TRIT1: variants seen among roughly 807,000 people sequenced by gnomAD.
TRIT1 encodes the protein tRNA isopentenyltransferase 1, also known as tRNA dimethylallyltransferase.
A neutral mutation model predicts 51.2 loss-of-function variants in TRIT1; 43 were observed. The observed-to-expected ratio is 0.84, with a 90% CI of 0.66 to 1.08. The LOEUF is 1.08. TRIT1 is among the 50% of genes least tolerant of loss of function. TRIT1 has a pLI of 0.00. For missense variants in TRIT1, 528 were observed against 578.4 expected (o/e 0.91, Z 0.89); for synonymous variants, 184 against 203.9 (o/e 0.90, Z 0.83).
intron 1 of TRIT1, among the ~76,000 whole-genome samples, chr1:39,877,035 A>G (rs1017244063): frequency 6.6e-6 from 1 of 150,712 alleles, no homozygotes; most frequent in Non-Finnish European, 1.5e-5. Context: ...AAAAAAAAAA[A>G]AAAAAAAAAC....
rs779899770 is a variant in TRIT1 at position 39,841,817 on chromosome 1, G to A, written c.1331C>T (p.Pro444Leu). The A allele has an allele frequency of 1.9e-6, 3 of 1,613,834 alleles. No individual in the cohort carries two copies. The highest frequency in any genetic ancestry group is 1.3e-5 in the African/African-American group (1 of 74,894). ...CTCTTTAGGTTCTTTGTTATGGTCT[G>A]GGGAAACACTCTGACTTTCTATGGT... ...VNTIESQSVS[P>L]DHNKEPKEKG... The change falls in exon 11 of 11, where the codon CCA becomes CTA. Residue 444 changes from proline (P) to leucine (L), a missense_variant. By Grantham distance (98) the Pro-to-Leu change is moderately conservative. Around this residue, in one of 3 missense-constraint regions of TRIT1, gnomAD observed 468 missense variants for 522.6 expected, o/e 0.90. Coordinates refer to ENST00000316891, the MANE Select transcript of TRIT1 (RefSeq NM_017646.6).
rs574146830 is a variant in TRIT1, at chr1:39,859,467, T to C, written c.175-2050A>G. Reference sequence around the variant, plus strand: ...AGGTGTGGTGACACACACCTGTAGTTCCGCTACTGGGGAGGCTGAGGTGGG... The same window carrying C: ...AGGTGTGGTGACACACACCTGTAGTCCCGCTACTGGGGAGGCTGAGGTGGG... On this transcript the variant is annotated intron_variant, in intron 1 of 10. Transcript: ENST00000316891. Among the ~76,000 whole-genome samples the C allele has an allele frequency of 9.1e-4, 135 of 149,110 alleles. 1 individual carries two copies. The highest frequency in any genetic ancestry group is 3.2e-3 in the African/African-American group (129 of 40,420).
At chr1:39,845,887 C>T (rs995654036) in intron 8 of TRIT1, among the ~76,000 whole-genome samples, 4 of 152,132 alleles carry the variant, frequency 2.6e-5, no homozygotes, top group Admixed American at 6.5e-5. Flanking sequence ...AGGACGATGC[C>T]GGCATACACA....
rs142812351 is a variant in TRIT1, at chr1:39,864,067, G to A, written c.175-6650C>T. 2.6e-4 allele frequency among the ~76,000 whole-genome samples: 40 copies of A among 152,092 alleles called. No homozygotes were observed. In the East Asian group the frequency reaches 7.7e-3, roughly 29 times the overall value. On this transcript the variant is annotated intron_variant, in intron 1 of 10. Transcript: ENST00000316891. ...CCACCACGCCTGGCTAGTGCTTGTA[G>A]TAGAGACGGGGTTTTGCTATGTTGG...
chr1:39,860,377 G>A (rs559524306), intron 1 of TRIT1, among the ~76,000 whole-genome samples: 12 of 152,116 alleles, frequency 7.9e-5, no homozygotes, highest in East Asian at 1.9e-4. Context: ...TTTTATAGTC[G>A]TTAACTAAAT....
intron 1 of TRIT1, among the ~76,000 whole-genome samples, chr1:39,873,852 CA>C (rs1028695751): frequency 8.6e-5 from 13 of 152,022 alleles, no homozygotes; most frequent in African/African-American, 2.7e-4. Flanking sequence ...GGAGAAACCC[CA>C]TCTCTACTAA....
intron 1 of TRIT1, chr1:39,863,004 G>A (rs1643335725): frequency 2.1e-6 from 2 of 957,726 alleles, no homozygotes; most frequent in Non-Finnish European, 2.5e-6. Flanking sequence ...ACAACTAAGG[G>A]ACAACTGGCT....
chr1:39,862,290 A>C (rs1265774224), intron 1 of TRIT1, among the ~76,000 whole-genome samples: 1 of 150,370 alleles, frequency 6.7e-6, no homozygotes, highest in Non-Finnish European at 1.5e-5. Flanking sequence ...GAAATGGTTA[A>C]TGGTCAATGT....
chr1:39,843,047 T>C (rs1557526574), intron 10 of TRIT1, among the ~76,000 whole-genome samples: 4 of 152,164 alleles, frequency 2.6e-5, no homozygotes, highest in African/African-American at 7.2e-5. Context: ...AAGTTTCCTT[T>C]AGAAAAAAAC....
At chr1:39,852,914 C>T (rs766550411) in intron 3 of TRIT1, 38 bp from the exon 4 acceptor site, 21 of 1,608,528 alleles carry the variant, frequency 1.3e-5, no homozygotes, top group South Asian at 1.1e-5. Flanking sequence ...TTAATTCAAC[C>T]AACACTGAGA....
At chr1:39,882,497 C>A (rs1362199122) in intron 1 of TRIT1, among the ~76,000 whole-genome samples, 1 of 152,246 alleles carries the variant, frequency 6.6e-6, no homozygotes, top group East Asian at 1.9e-4. Flanking sequence ...ATGTCACCCA[C>A]TACCCACTCT....
rs1287374988 is a variant in TRIT1, at chr1:39,844,161, T to C, written c.1174A>G (p.Arg392Gly). The C allele has an allele frequency of 6.2e-7, 1 of 1,614,242 alleles. No homozygotes were observed. Among genetic ancestry groups the C allele is most frequent in the Admixed American group, 1.7e-5 (1 of 60,034 alleles). Residue 392 changes from arginine (R) to glycine (G), a missense_variant, in exon 10 of 11, where the codon AGA (arginine) becomes GGA (glycine). By Grantham distance (125) the Arg-to-Gly change is moderately radical. Around this residue, in one of 3 missense-constraint regions of TRIT1, gnomAD observed 468 missense variants for 522.6 expected, o/e 0.90. Transcript: ENST00000316891. ...KMPYNEAENK[R>G]SYHLCDLCDR... Reference sequence around the variant, plus strand: ...CAGAGGTCACACAGGTGATAACTTCTCTTGTTCTCAGCTTCATTGTATGGC... The same window carrying C: ...CAGAGGTCACACAGGTGATAACTTCCCTTGTTCTCAGCTTCATTGTATGGC...
chr1:39,875,056 TTC>T (rs1488496894), intron 1 of TRIT1, among the ~76,000 whole-genome samples: 15 of 152,258 alleles, frequency 9.9e-5, no homozygotes, highest in African/African-American at 2.6e-4. Flanking sequence ...ATCCTGTTGG[TTC>T]TGTTTACAAA....
intron 3 of TRIT1, among the ~76,000 whole-genome samples, chr1:39,853,688 A>G (rs1474732619): frequency 6.6e-6 from 1 of 152,206 alleles, no homozygotes; most frequent in Non-Finnish European, 1.5e-5. Context: ...CTGGGATTAC[A>G]GGTGTGAGCC....
chr1:39,868,758 A>G (rs1408498298), intron 1 of TRIT1, among the ~76,000 whole-genome samples: 1 of 151,610 alleles, frequency 6.6e-6, no homozygotes, highest in African/African-American at 2.4e-5. Flanking sequence ...AAATAAGGAT[A>G]TGAAAAGAAG....
At chr1:39,859,127 G>A (rs1241589183) in intron 1 of TRIT1, among the ~76,000 whole-genome samples, 1 of 151,744 alleles carries the variant, frequency 6.6e-6, no homozygotes, top group Non-Finnish European at 1.5e-5. Flanking sequence ...CGTGGCGTGT[G>A]CCTATAATCC....
intron 2 of TRIT1, 58 bp downstream of exon 2, chr1:39,857,219 C>A (rs1332180774): frequency 6.5e-7 from 1 of 1,528,722 alleles, no homozygotes; most frequent in Non-Finnish European, 8.8e-7. Context: ...GAAAACTTCT[C>A]TCTTGGCTTG....
Position 39,838,986 on chromosome 1 carries a change from G to C in TRIT1, c.*2758C>G, listed in dbSNP as rs556109317. On this transcript the variant is annotated 3_prime_UTR_variant, in exon 11 of 11. Coordinates refer to ENST00000316891, the MANE Select transcript of TRIT1 (RefSeq NM_017646.6). ...TAAGAATCAAGCAAAGTATTTTCAAGTCTAGATCTCTCTTCAGAATCAAAG... is the reference window on the plus strand; with the variant it reads ...TAAGAATCAAGCAAAGTATTTTCAACTCTAGATCTCTCTTCAGAATCAAAG... Among the ~76,000 whole-genome samples, 1 of 152,358 alleles carries C rather than the reference G, an allele frequency of 6.6e-6. No homozygotes were observed. Among genetic ancestry groups the C allele is most frequent in the African/African-American group, 2.4e-5 (1 of 41,588 alleles).
Position 39,841,562 on chromosome 1 carries a change from CCTG to C in TRIT1, c.*179_*181del, listed in dbSNP as rs1641904033. On this transcript the variant is annotated 3_prime_UTR_variant, in exon 11 of 11. Coordinates refer to ENST00000316891, the MANE Select transcript of TRIT1 (RefSeq NM_017646.6). ...TCAGCCACACAAGGAGCTGACAAGA[CCTG>C]CTGTTTCTATTATAGAGAACGTGAG... The C allele has an allele frequency of 7.4e-6, 4 of 538,742 alleles. No homozygotes were observed. The highest frequency in any genetic ancestry group is 3.0e-5 in the Admixed American group (1 of 33,052). 33.4% of individuals were successfully genotyped at this position (538,742 alleles called of 1,614,324 possible).
Sources: gnomAD v4.1 joint callset for allele counts (sites outside exome capture counted in the v4.1 genomes callset) on GRCh38, gnomAD v4.1.1 for gene constraint, gnomAD v4.1.1 regional missense constraint, MANE v1.5 for transcripts, NCBI Gene and HGNC (gene_info 2026-07-23, HGNC 2026-07-21) for gene names.